DIP2C: variants seen among roughly 807,000 people sequenced by gnomAD.
DIP2C encodes the protein disco-interacting protein 2 homolog C.
In DIP2C, 33 loss-of-function variants were observed where a neutral mutation model predicts 192.4. The observed-to-expected ratio is 0.17, with a 90% CI of 0.13 to 0.23. The LOEUF (loss-of-function observed/expected upper bound fraction) is 0.23. Ranked by LOEUF, DIP2C falls within the 10% of genes least tolerant of loss-of-function variation. The pLI, the probability that DIP2C is intolerant of heterozygous loss-of-function variation, is 1.00. For synonymous variants in DIP2C, 979 were observed against 864.1 expected, an observed-to-expected ratio of 1.13 and a Z score of -2.33; for missense variants, 1,537 against 2,110.1, an observed-to-expected ratio of 0.73 and a Z score of 5.32.
chr10:415,915 G>C (rs1326714403), intron 6 of DIP2C, 27 bp from the exon 7 acceptor site: 1 of 1,613,276 alleles, frequency 6.2e-7, no homozygotes, highest in African/African-American at 1.3e-5. Flanking sequence ...AGCGGGTGGG[G>C]AAAGCGATCA....
intron 1 of DIP2C, among the ~76,000 whole-genome samples, chr10:515,314 T>G (rs545880115): frequency 6.6e-6 from 1 of 152,354 alleles, no homozygotes; most frequent in South Asian, 2.1e-4. Context: ...GGCCTATATT[T>G]TTAACATATG....
chr10:337,197 GCT>G, intron 29 of DIP2C, among the ~76,000 whole-genome samples: 1 of 128,772 alleles, frequency 7.8e-6, no homozygotes, highest in African/African-American at 2.9e-5. Flanking sequence ...GGCCTAGGCA[GCT>G]GTCTGTGTGT....
At chr10:621,487 A>G (rs908356265) in intron 1 of DIP2C, among the ~76,000 whole-genome samples, 2 of 152,114 alleles carry the variant, frequency 1.3e-5, no homozygotes, top group African/African-American at 4.8e-5. Flanking sequence ...CTATGCCAAT[A>G]TGAGCACACA....
intron 1 of DIP2C, among the ~76,000 whole-genome samples, chr10:647,553 G>C (rs1269510724): frequency 2.7e-5 from 4 of 146,596 alleles, no homozygotes; most frequent in East Asian, 4.2e-4. Flanking sequence ...GAGAACAGAG[G>C]GAAACTGAGT....
chr10:370,167 G>A (rs1445769831), intron 17 of DIP2C: 2 of 596,618 alleles, frequency 3.4e-6, no homozygotes, highest in African/African-American at 2.0e-5. Flanking sequence ...TAAGATTTAC[G>A]CTGTGCCATT....
chr10:420,413 A>T (rs1253482585), intron 5 of DIP2C, among the ~76,000 whole-genome samples: 4 of 152,194 alleles, frequency 2.6e-5, no homozygotes, highest in Non-Finnish European at 4.4e-5. Flanking sequence ...CTGAAAAGAC[A>T]AGAACTAAGG....
In DIP2C at chr10:458,716, A is replaced by T. The variant is rs141927533; in HGVS notation, c.268+13723T>A. On this transcript the variant is annotated intron_variant, in intron 3 of 36. Transcript: ENST00000280886. ...CATGGCAGAGTGCTCGGAACCCATG[A>T]CAGCAAGGAGGATATCCTCTACATT... 9.6e-4 allele frequency among the ~76,000 whole-genome samples: 145 copies of T among 151,022 alleles called. 3 individuals are homozygous for T. The highest frequency in any genetic ancestry group is 3.5e-3 in the African/African-American group (142 of 40,956).
chr10:339,947 G>A (rs895750153), intron 29 of DIP2C, among the ~76,000 whole-genome samples: 3 of 152,134 alleles, frequency 2.0e-5, no homozygotes, highest in East Asian at 1.9e-4. Context: ...GCACGAGGGC[G>A]AGGCGGGCAG....
At chr10:587,997 G>A (rs11253267) in intron 1 of DIP2C, among the ~76,000 whole-genome samples, 1,099 of 8,316 alleles carry the variant, frequency 0.13, 173 homozygotes, top group Non-Finnish European at 0.16. Flanking sequence ...CTGACCCTGC[G>A]GAAACCCCAC....
At chr10:655,410 G>A (rs1451611522) in intron 1 of DIP2C, among the ~76,000 whole-genome samples, 5 of 152,040 alleles carry the variant, frequency 3.3e-5, no homozygotes, top group East Asian at 1.9e-4. Context: ...TGTGCTATGC[G>A]ACTCTACTAT....
At chr10:485,213 G>A (rs528353501) in intron 2 of DIP2C, among the ~76,000 whole-genome samples, 14 of 152,348 alleles carry the variant, frequency 9.2e-5, no homozygotes, top group East Asian at 1.9e-4. Context: ...AACAGCGTCC[G>A]TGGCCTACAG....
chr10:611,101 A>C (rs1212416173), intron 1 of DIP2C, among the ~76,000 whole-genome samples: 1 of 152,118 alleles, frequency 6.6e-6, no homozygotes. Context: ...TGACTGACTC[A>C]TGAGGGAGGT....
At chr10:457,667 C>CGAA (rs1296364492) in intron 3 of DIP2C, among the ~76,000 whole-genome samples, 2 of 152,260 alleles carry the variant, frequency 1.3e-5, no homozygotes, top group East Asian at 3.9e-4. Flanking sequence ...GTGATCCTTC[C>CGAA]ACCTCAGCCC....
chr10:640,980 G>A (rs1045695922), intron 1 of DIP2C, among the ~76,000 whole-genome samples: 1 of 152,116 alleles, frequency 6.6e-6, no homozygotes, highest in African/African-American at 2.4e-5. Context: ...GTGTGAATAT[G>A]TTCCAATTAA....
At chr10:473,150 CATT>C (rs907905987) in intron 2 of DIP2C, among the ~76,000 whole-genome samples, 25 of 152,272 alleles carry the variant, frequency 1.6e-4, no homozygotes, top group South Asian at 8.3e-4. Flanking sequence ...TAACAAAAAA[CATT>C]AATGCGGTCA....
At position 345,094 on chromosome 10, in the gene DIP2C, C is replaced by T. The variant is rs1454517805; in HGVS notation, c.3248G>A (p.Cys1083Tyr). 5 of 1,612,528 alleles carry T rather than the reference C, an allele frequency of 3.1e-6. No individual in the cohort carries two copies. Among genetic ancestry groups the T allele is most frequent in the Non-Finnish European group, 4.2e-6 (5 of 1,179,826 alleles). The change falls in exon 27 of 37, where the codon TGT becomes TAT. Residue 1083 changes from cysteine (C) to tyrosine (Y), a missense_variant. Cys to Tyr is a radical substitution (Grantham distance 194). Around this residue, in one of 4 missense-constraint regions of DIP2C, gnomAD observed 677 missense variants for 989.9 expected, o/e 0.68. Coordinates refer to ENST00000280886, the MANE Select transcript of DIP2C (RefSeq NM_014974.3). Reference sequence around the variant, plus strand: ...ACAGATCAGCTGTGTCGTCATCAGACAGGCAGAGCGACTCACCTGGCATCA... The same window carrying T: ...ACAGATCAGCTGTGTCGTCATCAGATAGGCAGAGCGACTCACCTGGCATCA... ...KMIVEVSRSA[C>Y]LMTTQLICKL... is the part of the protein sequence containing the mutation.
chr10:288,298 T>C (rs2132179673), intron 33 of DIP2C, 66 bp downstream of exon 33: 1 of 1,448,444 alleles, frequency 6.9e-7, no homozygotes, highest in Non-Finnish European at 9.5e-7. Flanking sequence ...TTTCCTAAAA[T>C]TTCAAAGCCC....
rs557659478 is a variant in DIP2C at position 689,090 on chromosome 10, C to G, written c.85+404G>C. 1.9e-3 allele frequency among the ~76,000 whole-genome samples: 292 copies of G among 152,006 alleles called. 2 individuals carry two copies. The highest frequency in any genetic ancestry group is 6.8e-3 in the African/African-American group (282 of 41,480). ...GCGCAGAGCGCACGGGAAGGCCGAT[C>G]CCGCCGGGCCCGCTGCATCCTGCGT... is the stretch of plus-strand genomic sequence containing the variant. On this transcript the variant is annotated intron_variant, in intron 1 of 36. Transcript: ENST00000280886. This position sits in a 1 kb window ranked among gnomAD's most constrained non-coding sequence, Gnocchi z 6.1.
chr10:387,141 A>ACC (rs1195545468), intron 14 of DIP2C, among the ~76,000 whole-genome samples: 25 of 152,124 alleles, frequency 1.6e-4, no homozygotes, highest in Admixed American at 1.6e-3. Flanking sequence ...ACACGAACCA[A>ACC]CCTTTGACGT....
Sources: gnomAD v4.1 joint callset for allele counts (sites outside exome capture counted in the v4.1 genomes callset) on GRCh38, gnomAD v4.1.1 for gene constraint, gnomAD v4.1.1 regional missense constraint, Gnocchi (gnomAD v3.1) non-coding constraint, MANE v1.5 for transcripts, NCBI Gene and HGNC (gene_info 2026-07-23, HGNC 2026-07-21) for gene names.